Variants in SMC6 observed in about 807,000 individuals in gnomAD.
SMC6 encodes structural maintenance of chromosomes protein 6.
A neutral mutation model predicts 142.2 loss-of-function variants in SMC6; 79 were observed. The observed-to-expected ratio is 0.56, with a 90% CI of 0.46 to 0.67. The LOEUF is 0.67. SMC6 is among the 30% of genes least tolerant of loss of function. SMC6 has a pLI of 0.00. For missense variants in SMC6, 1,072 were observed against 1,284.0 expected, an observed-to-expected ratio of 0.83 and a Z score of 2.52; for synonymous variants, 411 against 412.4, an observed-to-expected ratio of 1.00 and a Z score of 0.04.
chr2:17,666,410 A>G lies in SMC6; in HGVS notation c.3161+10T>C. 1.2e-6 allele frequency: 2 copies of G among 1,605,548 alleles called. No homozygotes were observed. The highest frequency in any genetic ancestry group is 1.7e-6 in the Non-Finnish European group (2 of 1,173,992). Reference sequence around the variant, plus strand: ...ACTTGATATGTATCTAGAAAGTTTTAAAAAGTTACCTCATGCTTTGAGGTG... The same window carrying G: ...ACTTGATATGTATCTAGAAAGTTTTGAAAAGTTACCTCATGCTTTGAGGTG... On this transcript the variant is annotated intron_variant, in intron 27 of 27. Coordinates refer to ENST00000448223, the MANE Select transcript of SMC6 (RefSeq NM_001142286.2).
chr2:17,723,311 T>A (rs933539468), intron 9 of SMC6, among the ~76,000 whole-genome samples: 1 of 152,218 alleles, frequency 6.6e-6, no homozygotes, highest in African/African-American at 2.4e-5. Context: ...CATTCTCTTG[T>A]ACAGCAGAGT....
chr2:17,696,850 T>C (rs1269162234), intron 21 of SMC6, among the ~76,000 whole-genome samples: 2 of 152,108 alleles, frequency 1.3e-5, no homozygotes, highest in Non-Finnish European at 2.9e-5. Context: ...CTTCACAATT[T>C]TGAGCATAAA....
Position 17,664,664 on chromosome 2 carries a change from C to T in SMC6, c.*835G>A, listed in dbSNP as rs188330870. 1.5e-3 allele frequency: 223 copies of T among 152,268 alleles called. No individual in the cohort carries two copies. The highest frequency in any genetic ancestry group is 5.2e-3 in the African/African-American group (217 of 41,544). The allele number at this position is 152,268 out of a possible 1,614,324, so 9.4% of individuals were successfully genotyped here. ...TTAACACCCCTCAATTAGGATGAGT[C>T]TTAGAATTGATGTCAGCTCACCATC... On this transcript the variant is annotated 3_prime_UTR_variant, in exon 28 of 28. Transcript: ENST00000448223.
chr2:17,700,780 C>A (rs950956368), intron 20 of SMC6, among the ~76,000 whole-genome samples: 4 of 151,830 alleles, frequency 2.6e-5, no homozygotes, highest in Admixed American at 6.6e-5. Context: ...GCGTGTAATC[C>A]CAGCACTTTG....
intron 7 of SMC6, among the ~76,000 whole-genome samples, chr2:17,730,438 A>C (rs554465290): frequency 2.0e-5 from 3 of 151,496 alleles, no homozygotes; most frequent in African/African-American, 7.3e-5. Context: ...GAGTTTAGGG[A>C]ACAATGATGC....
chr2:17,697,517 G>C (rs1668061539), intron 21 of SMC6, among the ~76,000 whole-genome samples: 1 of 151,930 alleles, frequency 6.6e-6, no homozygotes. Context: ...AAAAGACTCA[G>C]AACCCAACTG....
At chr2:17,751,182 G>T (rs538087045) in intron 2 of SMC6, among the ~76,000 whole-genome samples, 1 of 152,074 alleles carries the variant, frequency 6.6e-6, no homozygotes, top group South Asian at 2.1e-4. Flanking sequence ...TATTTTATTT[G>T]AAAACACTGA....
chr2:17,685,938 CATAGAA>C (rs1420673987), intron 23 of SMC6, among the ~76,000 whole-genome samples: 1 of 151,042 alleles, frequency 6.6e-6, no homozygotes, highest in Non-Finnish European at 1.5e-5. Context: ...GGAAAAACAC[CATAGAA>C]AAATAATTTT....
chr2:17,738,184 A>C, intron 5 of SMC6, 37 bp downstream of exon 5: 1 of 1,474,134 alleles, frequency 6.8e-7, no homozygotes, highest in South Asian at 1.1e-5. Context: ...TTTCTTACTA[A>C]AGAATTGAAA....
intron 25 of SMC6, among the ~76,000 whole-genome samples, chr2:17,677,410 GC>G (rs2103494485): frequency 1.3e-5 from 2 of 152,220 alleles, no homozygotes; most frequent in Non-Finnish European, 2.9e-5. Context: ...TTAGTTAGGT[GC>G]CTAGCAGTTC....
At chr2:17,696,215 C>T in intron 22 of SMC6, 74 bp downstream of exon 22, 1 of 1,513,810 alleles carries the variant, frequency 6.6e-7, no homozygotes, top group Non-Finnish European at 8.8e-7. Context: ...AGAAACATGA[C>T]ATTAGGGAAA....
At chr2:17,709,473 A>C (rs997608264) in intron 16 of SMC6, among the ~76,000 whole-genome samples, 24 of 152,216 alleles carry the variant, frequency 1.6e-4, no homozygotes, top group Admixed American at 2.6e-4. Flanking sequence ...TAGGAGGTAC[A>C]GGAGCAATGA....
intron 23 of SMC6, among the ~76,000 whole-genome samples, chr2:17,684,857 G>A (rs971541391): frequency 2.0e-4 from 31 of 151,766 alleles, no homozygotes; most frequent in African/African-American, 6.0e-4. Context: ...AAACAAACAC[G>A]AACATTAGAC....
chr2:17,695,036 A>T, intron 23 of SMC6, 116 bp downstream of exon 23: 2 of 1,131,912 alleles, frequency 1.8e-6, no homozygotes, highest in East Asian at 4.7e-5. Context: ...TTCAGCTATA[A>T]CTATTTGCTA....
chr2:17,686,761 T>C (rs1667474724), intron 23 of SMC6, among the ~76,000 whole-genome samples: 1 of 152,080 alleles, frequency 6.6e-6, no homozygotes, highest in Non-Finnish European at 1.5e-5. Flanking sequence ...TGTGAATTAG[T>C]GTAAGAAAAC....
At chr2:17,680,022 C>A (rs1667170969) in intron 24 of SMC6, 1 of 152,158 alleles carries the variant, frequency 6.6e-6, no homozygotes, top group Non-Finnish European at 1.5e-5. Context: ...CCACAGCAAC[C>A]ACTGCTAGCT....
intron 4 of SMC6, among the ~76,000 whole-genome samples, chr2:17,740,021 C>T (rs1244890374): frequency 3.3e-5 from 5 of 152,148 alleles, no homozygotes; most frequent in South Asian, 2.1e-4. Context: ...AAGTAACTAA[C>T]GCACACCACT....
At chr2:17,668,734 C>G (rs1173436875) in intron 26 of SMC6, among the ~76,000 whole-genome samples, 1 of 152,014 alleles carries the variant, frequency 6.6e-6, no homozygotes, top group Non-Finnish European at 1.5e-5. Flanking sequence ...AGTAGAGTGA[C>G]ATGTGATTAA....
chr2:17,701,383 G>A (rs200650819), intron 20 of SMC6, among the ~76,000 whole-genome samples: 3 of 151,916 alleles, frequency 2.0e-5, no homozygotes, highest in East Asian at 3.9e-4. Flanking sequence ...TAAAAAATGC[G>A]TTGATTTAAA....
Sources: allele counts gnomAD v4.1 joint callset (sites outside exome capture counted in the v4.1 genomes callset), GRCh38; gene constraint gnomAD v4.1.1; transcripts MANE v1.5; gene names NCBI Gene and HGNC (gene_info 2026-07-23, HGNC 2026-07-21).